The following PID1 variants were observed in gnomAD, a reference collection of about 807,000 sequenced individuals.
The protein encoded by PID1 is PTB-containing, cubilin and LRP1-interacting protein.
PID1 carries 10 observed loss-of-function variants against 19.1 expected under a neutral mutation model. The observed-to-expected ratio is 0.52, with a 90% CI of 0.32 to 0.89. PID1 has a LOEUF of 0.89. Ranked by LOEUF, PID1 falls within the 40% of genes least tolerant of loss-of-function variation. The pLI, the probability that PID1 is intolerant of heterozygous loss-of-function variation, is 0.03. For synonymous variants in PID1, 130 were observed against 116.0 expected, an observed-to-expected ratio of 1.12 and a Z score of -0.78; for missense variants, 248 against 285.3, an observed-to-expected ratio of 0.87 and a Z score of 0.94.
intron 1 of PID1, among the ~76,000 whole-genome samples, chr2:229,268,187 C>A (rs1195465243): frequency 6.6e-6 from 1 of 152,206 alleles, no homozygotes; most frequent in Non-Finnish European, 1.5e-5. Context: ...GGCAATAGGT[C>A]CCTTTGCCTG....
chr2:229,083,686 G>A (rs1229682889), intron 2 of PID1, among the ~76,000 whole-genome samples: 2 of 152,162 alleles, frequency 1.3e-5, no homozygotes, highest in African/African-American at 4.8e-5. Flanking sequence ...CTCTTGGTTT[G>A]ATGAGAGTGA....
chr2:229,108,770 G>A (rs1252748447), intron 2 of PID1, among the ~76,000 whole-genome samples: 2 of 152,086 alleles, frequency 1.3e-5, no homozygotes, highest in Non-Finnish European at 2.9e-5. Context: ...GTTGTCTAAG[G>A]AGCCTGGACA....
intron 1 of PID1, among the ~76,000 whole-genome samples, chr2:229,158,957 G>A (rs1690438496): frequency 6.6e-6 from 1 of 152,084 alleles, no homozygotes; most frequent in African/African-American, 2.4e-5. Flanking sequence ...TGTGGGGGAA[G>A]GCAGGGATGG....
chr2:229,035,417 G>T (rs1220316212), intron 2 of PID1, among the ~76,000 whole-genome samples: 1 of 151,828 alleles, frequency 6.6e-6, no homozygotes, highest in Non-Finnish European at 1.5e-5. Context: ...TTATTTTAAA[G>T]ATATGTCTGT....
intron 1 of PID1, among the ~76,000 whole-genome samples, chr2:229,202,473 G>T (rs796637937): frequency 6.6e-6 from 1 of 151,952 alleles, no homozygotes; most frequent in South Asian, 2.1e-4. Flanking sequence ...AGAATGAATG[G>T]CAGGTAAGGG....
intron 1 of PID1, among the ~76,000 whole-genome samples, chr2:229,222,115 A>G (rs140675751): frequency 1.4e-3 from 219 of 152,340 alleles, no homozygotes; most frequent in Middle Eastern, 3.4e-3. Flanking sequence ...TCCAATGTCT[A>G]TAAGAACAAA....
At chr2:229,046,463 C>T (rs1038072644) in intron 2 of PID1, among the ~76,000 whole-genome samples, 3 of 151,366 alleles carry the variant, frequency 2.0e-5, no homozygotes, top group Non-Finnish European at 4.4e-5. Flanking sequence ...ATGCCTCAAA[C>T]AGCTCTTCTT....
intron 2 of PID1, among the ~76,000 whole-genome samples, chr2:229,083,128 G>A (rs951239734): frequency 6.6e-6 from 1 of 152,188 alleles, no homozygotes; most frequent in Non-Finnish European, 1.5e-5. Context: ...CCAAGAGATT[G>A]TAGGAACAAT....
intron 1 of PID1, among the ~76,000 whole-genome samples, chr2:229,170,340 C>T (rs1222465946): frequency 6.6e-6 from 1 of 152,114 alleles, no homozygotes; most frequent in Admixed American, 6.5e-5. Context: ...AATAGCAGGG[C>T]AGATTCATTT....
At chr2:229,174,506 C>G (rs1464747399) in intron 1 of PID1, among the ~76,000 whole-genome samples, 1 of 152,092 alleles carries the variant, frequency 6.6e-6, no homozygotes, top group Non-Finnish European at 1.5e-5. Flanking sequence ...GAGAGGACTA[C>G]AGATCTGGGC....
intron 2 of PID1, among the ~76,000 whole-genome samples, chr2:229,139,443 T>C (rs190188712): frequency 4.3e-4 from 66 of 152,304 alleles, no homozygotes; most frequent in Non-Finnish European, 8.8e-5. Flanking sequence ...TCTAAGATTT[T>C]CCATATTTCA....
intron 2 of PID1, among the ~76,000 whole-genome samples, chr2:229,058,819 G>A (rs1443123592): frequency 6.8e-6 from 1 of 148,130 alleles, no homozygotes; most frequent in African/African-American, 2.5e-5. Context: ...AGGTATATTT[G>A]TCAACCATGA....
intron 2 of PID1, among the ~76,000 whole-genome samples, chr2:229,114,309 T>G (rs973365965): frequency 6.6e-6 from 1 of 152,124 alleles, no homozygotes; most frequent in African/African-American, 2.4e-5. Flanking sequence ...GGGATACTTC[T>G]GTTCTATTTA....
rs187339638 is a variant in PID1, at chr2:229,161,005, G to A, written c.31-5041C>T. On this transcript the variant is annotated intron_variant, in intron 1 of 2. Coordinates refer to ENST00000392055, the MANE Select transcript of PID1 (RefSeq NM_001100818.2). Reference sequence around the variant, plus strand: ...ACTACTGCATGCTGCCTTGTTGAATGAGGCTGTCAGTCACAGTTCCTTGCC... The same window carrying A: ...ACTACTGCATGCTGCCTTGTTGAATAAGGCTGTCAGTCACAGTTCCTTGCC... Among the ~76,000 whole-genome samples, 81 of 152,288 alleles carry A rather than the reference G, an allele frequency of 5.3e-4. 2 individuals carry two copies. The highest frequency in any genetic ancestry group is 1.7e-3 in the African/African-American group (70 of 41,562).
intron 1 of PID1, among the ~76,000 whole-genome samples, chr2:229,190,582 G>T (rs1266698981): frequency 3.3e-5 from 5 of 152,228 alleles, no homozygotes; most frequent in Non-Finnish European, 7.3e-5. Context: ...TCCAGGGCAG[G>T]GGGCCTGCCT....
At chr2:229,102,185 A>C (rs529575588) in intron 2 of PID1, among the ~76,000 whole-genome samples, 1 of 152,176 alleles carries the variant, frequency 6.6e-6, no homozygotes, top group Non-Finnish European at 1.5e-5. Context: ...GTTCACAGAG[A>C]CCCATCCTAA....
chr2:229,267,922 C>T (rs1690634372), intron 1 of PID1, among the ~76,000 whole-genome samples: 1 of 151,502 alleles, frequency 6.6e-6, no homozygotes, highest in East Asian at 1.9e-4. Context: ...TCCTCAATAC[C>T]TCCAAGAAAA....
At chr2:229,200,058 C>T (rs371833598) in intron 1 of PID1, among the ~76,000 whole-genome samples, 6 of 151,666 alleles carry the variant, frequency 4.0e-5, no homozygotes, top group African/African-American at 1.2e-4. Flanking sequence ...GCACAGGTTC[C>T]GGCACTAAGA....
intron 2 of PID1, among the ~76,000 whole-genome samples, chr2:229,146,525 T>TTGTGTGTGTG (rs143860908): frequency 1.1e-4 from 16 of 148,726 alleles, no homozygotes; most frequent in African/African-American, 3.7e-4. Context: ...TGTGAACATT[T>TTGTGTGTGTG]TGTGTGTGTG....
Sources: allele counts gnomAD v4.1 joint callset (sites outside exome capture counted in the v4.1 genomes callset), GRCh38; gene constraint gnomAD v4.1.1; transcripts MANE v1.5; gene names NCBI Gene and HGNC (gene_info 2026-07-23, HGNC 2026-07-21).